The following DHX33 variants were observed in gnomAD, a reference collection of about 807,000 sequenced individuals.
DHX33 encodes ATP-dependent RNA helicase DHX33.
A neutral mutation model predicts 72.5 loss-of-function variants in DHX33; 42 were observed. That is an observed-to-expected ratio of 0.58 (90% CI 0.45 to 0.75). The LOEUF is 0.75. DHX33 is among the 30% of genes least tolerant of loss of function. The pLI is 0.00. For synonymous variants in DHX33, 358 were observed against 366.1 expected, an observed-to-expected ratio of 0.98 and a Z score of 0.25; for missense variants, 842 against 917.5, an observed-to-expected ratio of 0.92 and a Z score of 1.06.
chr17:5,460,884 C>T, intron 4 of DHX33, 55 bp downstream of exon 4: 1 of 1,560,580 alleles, frequency 6.4e-7, no homozygotes, highest in Non-Finnish European at 8.7e-7. Context: ...AATGTTCTCA[C>T]TACCAACTGC....
chr17:5,459,830 T>A (rs957559441), intron 4 of DHX33, among the ~76,000 whole-genome samples: 16 of 152,116 alleles, frequency 1.1e-4, no homozygotes, highest in African/African-American at 3.1e-4. Context: ...ATTTTTTTTA[T>A]AGAGACAGGG....
Position 5,453,576 on chromosome 17 carries a change from T to C in DHX33, c.1396+4A>G. 1.9e-6 allele frequency: 3 copies of C among 1,614,076 alleles called. No homozygotes were observed. Among genetic ancestry groups the C allele is most frequent in the Non-Finnish European group, 2.5e-6 (3 of 1,179,892 alleles). ...CCTTCTGCAAAACTGTGGATTTCAC[T>C]TACCTGGAGATGGCTTCGACATGAA... On this transcript the variant is annotated splice_donor_region_variant and intron_variant, in intron 8 of 11. Coordinates refer to ENST00000225296, the MANE Select transcript of DHX33 (RefSeq NM_020162.4).
Position 5,444,111 on chromosome 17 carries a change from G to A in DHX33, c.*94C>T. 1 of 1,443,556 alleles carries A rather than the reference G, an allele frequency of 6.9e-7. No individual in the cohort carries two copies. Among genetic ancestry groups the A allele is most frequent in the Non-Finnish European group, 9.3e-7 (1 of 1,076,696 alleles). 89.4% of individuals were successfully genotyped at this position (1,443,556 alleles called of 1,614,324 possible). ...GTCAGGCACCTTCAGCTGATTCCAA[G>A]GCTTCTCTAAGCGCCAACCTGGAAG... On this transcript the variant is annotated 3_prime_UTR_variant, in exon 12 of 12. Coordinates refer to ENST00000225296, the MANE Select transcript of DHX33 (RefSeq NM_020162.4). This position sits in a 1 kb window ranked among gnomAD's most constrained non-coding sequence, Gnocchi z 4.9.
chr17:5,453,694 A>C, intron 7 of DHX33, 26 bp from the exon 8 acceptor site: 1 of 1,613,556 alleles, frequency 6.2e-7, no homozygotes, highest in Non-Finnish European at 8.5e-7. Context: ...GACCAGGGTC[A>C]TGACCTGATC....
At chr17:5,449,413 T>G (rs113280482) in intron 10 of DHX33, among the ~76,000 whole-genome samples, 1 of 113,206 alleles carries the variant, frequency 8.8e-6, no homozygotes, top group African/African-American at 2.7e-5. Context: ...AAATGCCCAG[T>G]CAATTTATGT....
chr17:5,448,170 G>A (rs968215690), intron 11 of DHX33, among the ~76,000 whole-genome samples: 1 of 152,164 alleles, frequency 6.6e-6, no homozygotes, highest in Non-Finnish European at 1.5e-5. Flanking sequence ...ACTCCAGCCT[G>A]GGTGACAGAG....
At chr17:5,447,735 G>A (rs770772690) in intron 11 of DHX33, among the ~76,000 whole-genome samples, 23 of 152,198 alleles carry the variant, frequency 1.5e-4, no homozygotes, top group Non-Finnish European at 2.6e-4. Context: ...CAGCACATAC[G>A]GAGGATGGTC....
intron 1 of DHX33, among the ~76,000 whole-genome samples, chr17:5,465,882 C>T (rs1484332162): frequency 1.3e-5 from 2 of 152,206 alleles, no homozygotes; most frequent in South Asian, 2.1e-4. Flanking sequence ...CTCTCCCTAA[C>T]TGCCCCTAGA....
chr17:5,450,342 G>C lies in DHX33; in HGVS notation c.1589C>G (p.Ser530Cys). 1 of 1,614,194 alleles carries C rather than the reference G, an allele frequency of 6.2e-7. No homozygotes were observed. Among genetic ancestry groups the C allele is most frequent in the Non-Finnish European group, 8.5e-7 (1 of 1,180,038 alleles). The change falls in exon 10 of 12, where the codon TCT becomes TGT. Residue 530 changes from serine (S) to cysteine (C), a missense_variant. Physicochemically the swap from Ser to Cys is moderately radical, Grantham distance 112. Transcript: ENST00000225296. ...EEILTIVSLL[S>C]VDSVLHNPPS... The stretch of plus-strand genomic sequence containing the variant: ...AGGGTTGTGGAGGACGCTGTCCACA[G>C]ACAGCAGGGAGACAATGGTCAGGAT...
intron 8 of DHX33, 56 bp downstream of exon 8, chr17:5,453,524 A>G: frequency 7.1e-7 from 1 of 1,414,370 alleles, no homozygotes; most frequent in Non-Finnish European, 1.0e-6. Context: ...GGAAGTGTCC[A>G]TTTGTTGTTG....
At chr17:5,461,196 GAGGCCTGTGCCACCCCCA>G in intron 3 of DHX33, 87 bp from the exon 4 acceptor site, 1 of 1,410,962 alleles carries the variant, frequency 7.1e-7, no homozygotes, top group East Asian at 2.3e-5. Context: ...GCAGATGATT[GAGGCCTGTGCCACCCCCA>G]TCACAGTTTA....
At chr17:5,459,056 C>G (rs1366958394) in intron 4 of DHX33, among the ~76,000 whole-genome samples, 1 of 151,934 alleles carries the variant, frequency 6.6e-6, no homozygotes, top group Non-Finnish European at 1.5e-5. Context: ...AAAAATTAGC[C>G]AGGTGTACTG....
At chr17:5,445,268 G>A (rs1467464963) in intron 11 of DHX33, among the ~76,000 whole-genome samples, 2 of 151,942 alleles carry the variant, frequency 1.3e-5, no homozygotes, top group African/African-American at 4.8e-5. Context: ...TAGTAGAAAC[G>A]GGGTTTCACC....
intron 1 of DHX33, among the ~76,000 whole-genome samples, chr17:5,466,600 G>A (rs554743035): frequency 4.5e-4 from 68 of 152,300 alleles, no homozygotes; most frequent in Middle Eastern, 6.8e-3. Flanking sequence ...AAAATTTTAT[G>A]AGAGGAAATG....
intron 8 of DHX33, among the ~76,000 whole-genome samples, chr17:5,452,070 C>G (rs114601832): frequency 1.6e-5 from 2 of 123,520 alleles, no homozygotes; most frequent in Middle Eastern, 4.1e-3. Context: ...TGGAAGGAGG[C>G]GAGGGCAAGT....
intron 8 of DHX33, among the ~76,000 whole-genome samples, chr17:5,453,150 G>T (rs1917024060): frequency 6.6e-6 from 1 of 152,210 alleles, no homozygotes; most frequent in Non-Finnish European, 1.5e-5. Context: ...CATTTCTGTA[G>T]TATCCCAAGG....
Position 5,455,969 on chromosome 17 carries a change from G to A in DHX33, c.1035+28C>T. ...GGATCCGTCTGGGTGCCCAGAATAG[G>A]GCTGGACAGAAGAGGTGGTGCACTC... On this transcript the variant is annotated intron_variant, in intron 5 of 11. Coordinates refer to ENST00000225296, the MANE Select transcript of DHX33 (RefSeq NM_020162.4). 1.9e-6 allele frequency: 3 copies of A among 1,602,176 alleles called. 1 individual carries two copies. The African/African-American group carries it at 4.0e-5, about 21-fold the overall frequency.
chr17:5,450,696 T>C (rs1916863944), intron 9 of DHX33, 111 bp downstream of exon 9: 1 of 1,473,882 alleles, frequency 6.8e-7, no homozygotes, highest in African/African-American at 1.4e-5. Context: ...GGGTTGGTAA[T>C]TATGTAAGAG....
chr17:5,457,961 G>C (rs916549949), intron 4 of DHX33, among the ~76,000 whole-genome samples: 7 of 152,200 alleles, frequency 4.6e-5, no homozygotes, highest in Non-Finnish European at 1.0e-4. Flanking sequence ...GGCAATGAGA[G>C]ATGAGGAGTC....
Sources: allele counts gnomAD v4.1 joint callset (sites outside exome capture counted in the v4.1 genomes callset), GRCh38; gene constraint gnomAD v4.1.1; non-coding constraint Gnocchi (gnomAD v3.1); transcripts MANE v1.5; gene names NCBI Gene and HGNC (gene_info 2026-07-23, HGNC 2026-07-21).